HS6ST3: variants seen among roughly 807,000 people sequenced by gnomAD.
The protein encoded by HS6ST3 is heparan sulfate 6-O-sulfotransferase 3.
HS6ST3 carries 12 observed loss-of-function variants against 36.7 expected under a neutral mutation model. That is an observed-to-expected ratio of 0.33 (90% CI 0.21 to 0.53). The LOEUF is 0.53. Among genes scored for constraint, HS6ST3 ranks in the 20% least tolerant of loss-of-function variants. HS6ST3 has a pLI of 0.95. For missense variants in HS6ST3, 584 were observed against 640.9 expected, an observed-to-expected ratio of 0.91 and a Z score of 0.96; for synonymous variants, 240 against 257.5, an observed-to-expected ratio of 0.93 and a Z score of 0.65.
intron 1 of HS6ST3, among the ~76,000 whole-genome samples, chr13:96,487,382 G>C (rs2055920581): frequency 6.6e-6 from 1 of 152,114 alleles, no homozygotes; most frequent in African/African-American, 2.4e-5. Flanking sequence ...AGGTTGGTCT[G>C]TGTACCTTAT....
intron 1 of HS6ST3, among the ~76,000 whole-genome samples, chr13:96,301,594 TAAG>T (rs2054882065): frequency 6.6e-6 from 1 of 152,076 alleles, no homozygotes; most frequent in African/African-American, 2.4e-5. Flanking sequence ...TTGTATGAAA[TAAG>T]AAATAATTTT....
chr13:96,653,661 A>G (rs982684058), intron 1 of HS6ST3, among the ~76,000 whole-genome samples: 2 of 152,176 alleles, frequency 1.3e-5, no homozygotes, highest in African/African-American at 2.4e-5. Flanking sequence ...CAGTGCTGCA[A>G]TAAACATATG....
chr13:96,735,199 A>G (rs564466435), intron 1 of HS6ST3, among the ~76,000 whole-genome samples: 1 of 152,192 alleles, frequency 6.6e-6, no homozygotes, highest in South Asian at 2.1e-4. Context: ...AGATTCTGGG[A>G]TGATATATGA....
chr13:96,190,845 C>A (rs968907215), intron 1 of HS6ST3, among the ~76,000 whole-genome samples: 7 of 152,070 alleles, frequency 4.6e-5, no homozygotes, highest in South Asian at 2.1e-4. Context: ...AACTCTACTT[C>A]AGGTACAGGG....
intron 1 of HS6ST3, among the ~76,000 whole-genome samples, chr13:96,319,533 G>A (rs1470120838): frequency 1.3e-5 from 2 of 152,124 alleles, no homozygotes; most frequent in Non-Finnish European, 2.9e-5. Context: ...TTGGGTCATA[G>A]GGTAACTCTA....
At chr13:96,231,729 AAAGT>A (rs1436876490) in intron 1 of HS6ST3, among the ~76,000 whole-genome samples, 1 of 152,150 alleles carries the variant, frequency 6.6e-6, no homozygotes, top group Non-Finnish European at 1.5e-5. Flanking sequence ...GAGTAGCAAG[AAAGT>A]AGGACGTTTT....
chr13:96,578,990 A>G (rs560458187), intron 1 of HS6ST3, among the ~76,000 whole-genome samples: 40 of 152,174 alleles, frequency 2.6e-4, no homozygotes, highest in Non-Finnish European at 4.4e-4. Context: ...TTAAAAGAGT[A>G]TGTCTTTGAT....
intron 1 of HS6ST3, among the ~76,000 whole-genome samples, chr13:96,253,959 G>A (rs2054619459): frequency 1.3e-5 from 2 of 152,118 alleles, no homozygotes; most frequent in African/African-American, 2.4e-5. Context: ...AATTACCAAA[G>A]AAATATGTGC....
intron 1 of HS6ST3, among the ~76,000 whole-genome samples, chr13:96,473,000 G>C (rs1221002843): frequency 6.6e-6 from 1 of 152,060 alleles, no homozygotes; most frequent in African/African-American, 2.4e-5. Context: ...TTTTCATTTA[G>C]AGAATCCATA....
At chr13:96,176,973 C>A (rs1480110381) in intron 1 of HS6ST3, among the ~76,000 whole-genome samples, 2 of 152,142 alleles carry the variant, frequency 1.3e-5, no homozygotes, top group East Asian at 3.8e-4. Context: ...CATGAGCAGA[C>A]ACTTCTGAAA....
At chr13:96,742,788 T>G (rs1457229565) in intron 1 of HS6ST3, among the ~76,000 whole-genome samples, 1 of 152,154 alleles carries the variant, frequency 6.6e-6, no homozygotes, top group Non-Finnish European at 1.5e-5. Context: ...ATGCTGCAGA[T>G]GAAGACACAT....
At chr13:96,607,617 G>T (rs551976791) in intron 1 of HS6ST3, among the ~76,000 whole-genome samples, 42 of 152,226 alleles carry the variant, frequency 2.8e-4, no homozygotes, top group African/African-American at 1.0e-3. Flanking sequence ...TTTACAAATG[G>T]GAGGAGAATG....
chr13:96,301,941 A>AT (rs2054885116), intron 1 of HS6ST3, among the ~76,000 whole-genome samples: 4 of 147,424 alleles, frequency 2.7e-5, no homozygotes, highest in Admixed American at 1.4e-4. Flanking sequence ...AATAATAATA[A>AT]TAATTTCTAA....
chr13:96,382,211 G>A (rs1236139137), intron 1 of HS6ST3, among the ~76,000 whole-genome samples: 4 of 152,136 alleles, frequency 2.6e-5, no homozygotes, highest in African/African-American at 9.7e-5. Context: ...GCTGTTCAAG[G>A]CCTTTTCAAT....
intron 1 of HS6ST3, among the ~76,000 whole-genome samples, chr13:96,761,806 A>T (rs1345363636): frequency 1.3e-5 from 2 of 152,180 alleles, no homozygotes; most frequent in African/African-American, 4.8e-5. Context: ...ATTGACACAC[A>T]CACATACACA....
intron 1 of HS6ST3, among the ~76,000 whole-genome samples, chr13:96,436,349 C>G (rs1022798880): frequency 6.6e-6 from 1 of 152,106 alleles, no homozygotes; most frequent in African/African-American, 2.4e-5. Context: ...TTGTATAAAT[C>G]CATATTTTAA....
intron 1 of HS6ST3, among the ~76,000 whole-genome samples, chr13:96,398,066 T>G (rs2055431073): frequency 6.6e-6 from 1 of 152,186 alleles, no homozygotes; most frequent in African/African-American, 2.4e-5. Context: ...AACCTATCTT[T>G]GCATCATGTT....
chr13:96,159,099 G>A (rs561943395), intron 1 of HS6ST3, among the ~76,000 whole-genome samples: 2 of 152,166 alleles, frequency 1.3e-5, no homozygotes, highest in Non-Finnish European at 2.9e-5. Flanking sequence ...GGAGCAGTTG[G>A]GGGTACAGAC....
chr13:96,799,984 A>G (rs146712455), intron 1 of HS6ST3, among the ~76,000 whole-genome samples: 1,727 of 91,582 alleles, frequency 0.019, 77 homozygotes, highest in African/African-American at 0.062. Context: ...ATATATATGT[A>G]TATATATATA....
Sources: allele counts gnomAD v4.1 joint callset (sites outside exome capture counted in the v4.1 genomes callset), GRCh38; gene constraint gnomAD v4.1.1; transcripts MANE v1.5; gene names NCBI Gene and HGNC (gene_info 2026-07-23, HGNC 2026-07-21).